The following MYBPHL variants were observed in gnomAD, a reference collection of about 807,000 sequenced individuals.
MYBPHL encodes myosin binding protein H like.
Under a neutral mutation model 39.5 loss-of-function variants are expected in MYBPHL, and 32 were observed. That is an observed-to-expected ratio of 0.81 (90% CI 0.61 to 1.09). MYBPHL has a LOEUF of 1.09. Among genes scored for constraint, MYBPHL ranks in the 50% least tolerant of loss-of-function variants. The pLI is 0.00. For missense variants in MYBPHL, 456 were observed against 460.2 expected (o/e 0.99, Z 0.08); for synonymous variants, 196 against 183.7 (o/e 1.07, Z -0.54).
At chr1:109,299,485 CAG>C (rs1358084604) in intron 1 of MYBPHL, among the ~76,000 whole-genome samples, 1 of 152,228 alleles carries the variant, frequency 6.6e-6, no homozygotes, top group Admixed American at 6.5e-5. Context: ...GCAACTGAAA[CAG>C]AGCTTCTTCT....
At chr1:109,306,772 G>A (rs761353630) in intron 1 of MYBPHL, 75 bp downstream of exon 1, 48 of 1,344,420 alleles carry the variant, frequency 3.6e-5, no homozygotes, top group Non-Finnish European at 4.5e-5. Flanking sequence ...CTGAGGCGCC[G>A]TTCAGGAAGG....
chr1:109,296,746 A>G (rs992731416), intron 5 of MYBPHL, 37 bp downstream of exon 5: 3 of 1,612,952 alleles, frequency 1.9e-6, no homozygotes, highest in African/African-American at 2.7e-5. Context: ...GCCTATCCTT[A>G]AGTCTTCCCA....
chr1:109,294,282 A>G, intron 7 of MYBPHL, 33 bp from the exon 8 acceptor site: 1 of 1,602,356 alleles, frequency 6.2e-7, no homozygotes. Flanking sequence ...CAGTGTTAAC[A>G]TCTCAGAAAT....
At position 109,296,085 on chromosome 1, in the gene MYBPHL, C is replaced by A. The variant is rs79407709; in HGVS notation, c.867+149G>T. The A allele has an allele frequency of 3.2e-6, 3 of 952,182 alleles. No individual in the cohort carries two copies. In the Admixed American group the frequency reaches 7.8e-5, roughly 25 times the overall value. 59.0% of individuals were successfully genotyped at this position (952,182 alleles called of 1,614,324 possible). A position where few individuals can be genotyped will look rare whatever the true frequency, so the allele number is the denominator to read the frequency against. On this transcript the variant is annotated intron_variant, in intron 6 of 8. Coordinates refer to ENST00000357155, the MANE Select transcript of MYBPHL (RefSeq NM_001010985.3). The stretch of plus-strand genomic sequence containing the variant: ...CCGTCTTGGACTCCAAGCACCCCCC[C>A]GACTGTTCCTAAATACCGTGCTGTA...
At chr1:109,293,799 C>A (rs912231131) in intron 8 of MYBPHL, among the ~76,000 whole-genome samples, 1 of 151,756 alleles carries the variant, frequency 6.6e-6, no homozygotes, top group Non-Finnish European at 1.5e-5. Context: ...CATGTCGGCT[C>A]TCACCTGTAA....
rs147376402 is a variant in MYBPHL at position 109,296,982 on chromosome 1, T to A, written c.571-40A>T. The A allele has an allele frequency of 4.3e-4, 695 of 1,613,912 alleles. 3 individuals carry two copies. The African/African-American group carries it at 8.2e-3, about 19-fold the overall frequency. On this transcript the variant is annotated intron_variant, in intron 4 of 8. Transcript: ENST00000357155. The stretch of plus-strand genomic sequence containing the variant: ...ATGATGCCAGAAATCAGCCACCCCA[T>A]GTGGAGCTACCAGAGGCCTGTCCCA...
chr1:109,298,891 G>A (rs562309157), intron 1 of MYBPHL, among the ~76,000 whole-genome samples: 1 of 152,310 alleles, frequency 6.6e-6, no homozygotes, highest in East Asian at 1.9e-4. Context: ...ATTTTGTACA[G>A]ATTCTGGGAC....
intron 1 of MYBPHL, among the ~76,000 whole-genome samples, chr1:109,300,143 C>T (rs1382520213): frequency 6.6e-6 from 1 of 152,144 alleles, no homozygotes; most frequent in Non-Finnish European, 1.5e-5. Context: ...TTAGGAAGGG[C>T]CTGTAAGCAC....
chr1:109,301,578 T>C (rs929360387), intron 1 of MYBPHL, among the ~76,000 whole-genome samples: 2 of 151,988 alleles, frequency 1.3e-5, no homozygotes, highest in Non-Finnish European at 2.9e-5. Flanking sequence ...CCATCTCTAC[T>C]AAACATACAA....
At chr1:109,297,996 C>A (rs971195122) in intron 2 of MYBPHL, among the ~76,000 whole-genome samples, 173 bp downstream of exon 2, 1 of 152,248 alleles carries the variant, frequency 6.6e-6, no homozygotes, top group African/African-American at 2.4e-5. Flanking sequence ...CCTATCCAAA[C>A]CCACCTTCAG....
chr1:109,296,931 C>T lies in MYBPHL; in HGVS notation c.582G>A (p.Thr194=), dbSNP rs117363727. ...TGGTGCGGTGATAGTGCTCCAGCAC[C>T]GTGAACCACAGCTGCGGGGCCGAAC... ...KADTKSGLWF[T]VLEHYHRTSC... is the part of the protein sequence containing the mutation. Residue 194 remains threonine (T), a synonymous_variant, in exon 5 of 9, where the codon ACG becomes ACA. Coordinates refer to ENST00000357155, the MANE Select transcript of MYBPHL (RefSeq NM_001010985.3). 563 of 1,614,126 alleles carry T rather than the reference C, an allele frequency of 3.5e-4. 6 individuals carry two copies. The East Asian group carries it at 0.01, about 30-fold the overall frequency.
In MYBPHL at chr1:109,296,844, G is replaced by A; in HGVS notation, c.669C>T (p.Asn223=). ...NSYAFRVFAE[N]QCGLSETAPI... ...GGGCTGTTTCACTGAGTCCGCACTG[G>A]TTTTCAGCAAAGACACGGAAGGCAT... Residue 223 remains asparagine, a synonymous_variant, in exon 5 of 9, where the codon AAC becomes AAT. Coordinates refer to ENST00000357155, the MANE Select transcript of MYBPHL (RefSeq NM_001010985.3). 6.2e-7 allele frequency: 1 copy of A among 1,614,196 alleles called. No individual in the cohort carries two copies. Among genetic ancestry groups the A allele is most frequent in the Non-Finnish European group, 8.5e-7 (1 of 1,180,032 alleles).
chr1:109,302,094 CATGA>C lies in MYBPHL; in HGVS notation c.146-3841_146-3838del, dbSNP rs1557766024. ...GTGAATGTGTGTGTTTGTGTACGTG[CATGA>C]ATGTGTGTATGGGTGTGTTTACGTG... On this transcript the variant is annotated intron_variant, in intron 1 of 8. Transcript: ENST00000357155. 2.0e-5 allele frequency among the ~76,000 whole-genome samples: 3 copies of C among 151,274 alleles called. No homozygotes were observed. In the South Asian group the frequency reaches 6.3e-4, roughly 32 times the overall value.
At position 109,296,276 on chromosome 1, in the gene MYBPHL, G is replaced by A; in HGVS notation, c.825C>T (p.Gly275=). 6.2e-7 allele frequency: 1 copy of A among 1,614,084 alleles called. No individual in the cohort carries two copies. Among genetic ancestry groups the A allele is most frequent in the Non-Finnish European group, 8.5e-7 (1 of 1,180,000 alleles). Residue 275 remains glycine (G), a synonymous_variant, in exon 6 of 9, where the codon GGC becomes GGT. Transcript: ENST00000357155. ...QPLADCTTVT[G]YNTQLFCCVR... ...CACAGCAGAAGAGCTGGGTATTATA[G>A]CCGGTGACTGTAGTGCAGTCGGCCA...
chr1:109,296,526 A>G (rs1157461809), intron 5 of MYBPHL, among the ~76,000 whole-genome samples, 156 bp from the exon 6 acceptor site: 2 of 151,342 alleles, frequency 1.3e-5, no homozygotes, highest in African/African-American at 2.4e-5. Context: ...GCAACCTCCA[A>G]CTCCCAAGTT....
intron 1 of MYBPHL, among the ~76,000 whole-genome samples, chr1:109,302,157 AGAGT>A (rs962468945): frequency 1.3e-5 from 2 of 151,768 alleles, no homozygotes; most frequent in African/African-American, 2.4e-5. Context: ...TGTGTGTATG[AGAGT>A]GTGTGTGTGA....
At chr1:109,306,596 TAA>T (rs1658476769) in intron 1 of MYBPHL, among the ~76,000 whole-genome samples, 1 of 152,102 alleles carries the variant, frequency 6.6e-6, no homozygotes, top group Non-Finnish European at 1.5e-5. Context: ...TTAGTCACTG[TAA>T]AGTGCCACCA....
chr1:109,300,258 TCC>T (rs1317383349), intron 1 of MYBPHL, among the ~76,000 whole-genome samples: 1 of 152,172 alleles, frequency 6.6e-6, no homozygotes, highest in Non-Finnish European at 1.5e-5. Context: ...GACTCCTGCC[TCC>T]CCATCTAAGA....
intron 1 of MYBPHL, among the ~76,000 whole-genome samples, chr1:109,298,488 G>A (rs57373183): frequency 2.6e-5 from 4 of 152,138 alleles, no homozygotes; most frequent in South Asian, 2.1e-4. Flanking sequence ...ACTGGAGTGC[G>A]AGTCTGACAG....
Sources: gnomAD v4.1 joint callset for allele counts (sites outside exome capture counted in the v4.1 genomes callset) on GRCh38, gnomAD v4.1.1 for gene constraint, MANE v1.5 for transcripts, NCBI Gene and HGNC (gene_info 2026-07-23, HGNC 2026-07-21) for gene names.